Variants in PAPPA observed in about 807,000 individuals in gnomAD.
PAPPA encodes the protein pappalysin 1.
Under a neutral mutation model 164.0 loss-of-function variants are expected in PAPPA, and 60 were observed. The ratio of observed to expected loss-of-function variants is 0.37; its 90% CI spans 0.30 to 0.45. PAPPA has a LOEUF of 0.45. Among genes scored for constraint, PAPPA ranks in the 20% least tolerant of loss-of-function variants. The probability of loss-of-function intolerance (pLI) is 1.00; values close to 1 mark genes in which losing one functional copy is unlikely to be tolerated. For missense variants in PAPPA, 1,782 were observed against 2,087.3 expected, an observed-to-expected ratio of 0.85 and a Z score of 2.85; for synonymous variants, 875 against 814.1, an observed-to-expected ratio of 1.07 and a Z score of -1.27.
intron 9 of PAPPA, among the ~76,000 whole-genome samples, chr9:116,272,423 T>G (rs865895122): frequency 1.1e-4 from 17 of 152,234 alleles, no homozygotes; most frequent in African/African-American, 4.1e-4. Context: ...GAGGAAAAGA[T>G]AGCATTGCAT....
chr9:116,181,328 C>CTCTCTCTCTCTT (rs1267982008), intron 1 of PAPPA, among the ~76,000 whole-genome samples: 1 of 143,112 alleles, frequency 7.0e-6, no homozygotes, highest in African/African-American at 2.8e-5. Flanking sequence ...CAAGACCTCT[C>CTCTCTCTCTCTT]TCTCTCTCTC....
Position 116,347,241 on chromosome 9 carries a change from C to T in PAPPA, c.3964+32C>T, listed in dbSNP as rs1026886088. The T allele has an allele frequency of 1.3e-6, 2 of 1,573,374 alleles. No individual in the cohort carries two copies. Among genetic ancestry groups the T allele is most frequent in the Non-Finnish European group, 1.7e-6 (2 of 1,157,168 alleles). On this transcript the variant is annotated intron_variant, in intron 15 of 21. Transcript: ENST00000328252. The surrounding 1 kb of genome is among the most constrained non-coding windows in gnomAD (Gnocchi z 4.5). The stretch of plus-strand genomic sequence containing the variant: ...AGAACGCCTTCCCCAGCTCAGCCTT[C>T]CTTTGTCTATGGGAAACCTAGAAGC...
At chr9:116,299,548 A>G (rs1845553382) in intron 9 of PAPPA, among the ~76,000 whole-genome samples, 1 of 152,200 alleles carries the variant, frequency 6.6e-6, no homozygotes, top group South Asian at 2.1e-4. Flanking sequence ...TCTTACCCTT[A>G]CAGAGAACAT....
At chr9:116,317,899 ACATTT>A (rs1845806729) in intron 10 of PAPPA, among the ~76,000 whole-genome samples, 1 of 152,220 alleles carries the variant, frequency 6.6e-6, no homozygotes, top group Non-Finnish European at 1.5e-5. Context: ...AGAATTCATG[ACATTT>A]CATTAATTTC....
intron 10 of PAPPA, among the ~76,000 whole-genome samples, chr9:116,315,187 G>C (rs1202851108): frequency 6.6e-6 from 1 of 152,202 alleles, no homozygotes; most frequent in African/African-American, 2.4e-5. Flanking sequence ...GATCAAAGCA[G>C]GCAGGGCCTT....
chr9:116,346,252 A>G (rs979841539), intron 14 of PAPPA, among the ~76,000 whole-genome samples: 2 of 152,190 alleles, frequency 1.3e-5, no homozygotes, highest in East Asian at 3.9e-4. Flanking sequence ...TTGACTCCGT[A>G]GCATGGTCTT....
At chr9:116,262,332 G>A (rs540905254) in intron 7 of PAPPA, among the ~76,000 whole-genome samples, 73 of 152,170 alleles carry the variant, frequency 4.8e-4, no homozygotes, top group Admixed American at 9.2e-4. Context: ...TTACTACTAC[G>A]GATGGTTGAA....
chr9:116,251,759 G>C (rs1179219575), intron 7 of PAPPA, among the ~76,000 whole-genome samples: 1 of 152,148 alleles, frequency 6.6e-6, no homozygotes, highest in Admixed American at 6.5e-5. Flanking sequence ...CATCGCCTTT[G>C]GTTGCATTCA....
intron 10 of PAPPA, among the ~76,000 whole-genome samples, chr9:116,303,328 T>C (rs1231919017): frequency 1.3e-5 from 2 of 152,188 alleles, no homozygotes; most frequent in Non-Finnish European, 2.9e-5. Context: ...ATACAGTAAT[T>C]TGCTATGTGG....
intron 5 of PAPPA, 88 bp from the exon 6 acceptor site, chr9:116,227,343 T>A: frequency 7.3e-7 from 1 of 1,366,918 alleles, no homozygotes; most frequent in Non-Finnish European, 1.0e-6. Context: ...TTGTGTCCTC[T>A]GCCCCATTGA....
chr9:116,284,545 C>CCT (rs1429430138), intron 9 of PAPPA, among the ~76,000 whole-genome samples: 2 of 88,242 alleles, frequency 2.3e-5, no homozygotes, highest in Non-Finnish European at 4.0e-5. Flanking sequence ...TAGTCTGGGC[C>CCT]TTTTTTTTTT....
intron 21 of PAPPA, among the ~76,000 whole-genome samples, chr9:116,385,344 T>C (rs1229056004): frequency 1.3e-5 from 2 of 152,098 alleles, no homozygotes; most frequent in Non-Finnish European, 2.9e-5. Flanking sequence ...CAATGCACTC[T>C]GTAGAGAGAG....
intron 7 of PAPPA, among the ~76,000 whole-genome samples, chr9:116,245,619 T>C (rs1844787863): frequency 6.6e-6 from 1 of 152,210 alleles, no homozygotes; most frequent in East Asian, 1.9e-4. Context: ...TGTTTAATGA[T>C]TCTCCAACTT....
chr9:116,256,110 A>G (rs1419516375), intron 7 of PAPPA, among the ~76,000 whole-genome samples: 2 of 151,938 alleles, frequency 1.3e-5, no homozygotes, highest in Admixed American at 6.6e-5. Context: ...CAGGGAGCAC[A>G]TGATTCCCAC....
At chr9:116,180,722 A>T (rs1843895037) in intron 1 of PAPPA, among the ~76,000 whole-genome samples, 1 of 152,276 alleles carries the variant, frequency 6.6e-6, no homozygotes, top group Middle Eastern at 3.4e-3. Flanking sequence ...GTCAAATGTT[A>T]TCAGAGATAA....
At chr9:116,394,153 G>A (rs1031568536) in intron 21 of PAPPA, among the ~76,000 whole-genome samples, 20 of 152,166 alleles carry the variant, frequency 1.3e-4, no homozygotes, top group African/African-American at 4.8e-4. Context: ...TAAAGCATGG[G>A]GGAGTTAAGG....
chr9:116,197,620 A>G (rs1483335597), intron 2 of PAPPA, among the ~76,000 whole-genome samples: 1 of 152,158 alleles, frequency 6.6e-6, no homozygotes, highest in African/African-American at 2.4e-5. Flanking sequence ...ATTTCTCTAT[A>G]CTTGAACTCC....
intron 13 of PAPPA, among the ~76,000 whole-genome samples, chr9:116,343,323 T>C (rs2118974003): frequency 6.6e-6 from 1 of 152,344 alleles, no homozygotes; most frequent in South Asian, 2.1e-4. Flanking sequence ...GCCTGCAATC[T>C]GTTATGTTCC....
At chr9:116,359,519 C>T (rs1846396634) in intron 17 of PAPPA, among the ~76,000 whole-genome samples, 2 of 152,210 alleles carry the variant, frequency 1.3e-5, no homozygotes, top group Non-Finnish European at 2.9e-5. Context: ...AGAAAAAGTA[C>T]CCTCTGGTCT....
Sources: gnomAD v4.1 joint callset for allele counts (sites outside exome capture counted in the v4.1 genomes callset) on GRCh38, gnomAD v4.1.1 for gene constraint, Gnocchi (gnomAD v3.1) non-coding constraint, MANE v1.5 for transcripts, NCBI Gene and HGNC (gene_info 2026-07-23, HGNC 2026-07-21) for gene names.